Variants in ARHGAP28 observed in about 807,000 individuals in gnomAD.
ARHGAP28 encodes Rho GTPase activating protein 28.
In ARHGAP28, 56 loss-of-function variants were observed where a neutral mutation model predicts 90.7. The ratio of observed to expected loss-of-function variants is 0.62; its 90% CI spans 0.50 to 0.77. The LOEUF (loss-of-function observed/expected upper bound fraction) is 0.77. ARHGAP28 is among the 30% of genes least tolerant of loss of function. The pLI is 0.00. For synonymous variants in ARHGAP28, 308 were observed against 323.3 expected, an observed-to-expected ratio of 0.95 and a Z score of 0.51; for missense variants, 869 against 900.9, an observed-to-expected ratio of 0.96 and a Z score of 0.45.
chr18:6,877,118 TC>T (rs1332287050), intron 10 of ARHGAP28, among the ~76,000 whole-genome samples: 1 of 152,236 alleles, frequency 6.6e-6, no homozygotes, highest in African/African-American at 2.4e-5. Context: ...CAGCATCTCT[TC>T]ATTAATTCAT....
At position 6,887,244 on chromosome 18, in the gene ARHGAP28, G is replaced by A. The variant is rs372564720; in HGVS notation, c.1536+5G>A. The A allele has an allele frequency of 1.0e-4, 163 of 1,613,446 alleles. No individual in the cohort carries two copies. Among genetic ancestry groups the A allele is most frequent in the Middle Eastern group, 1.7e-4 (1 of 5,982 alleles). ...GCCAACAGAGATGCAGCTCAGGTAC[G>A]TCGTGTCCACCTCACAGCTTGTCCT... On this transcript the variant is annotated splice_donor_5th_base_variant and intron_variant, in intron 12 of 17. Transcript: ENST00000383472.
At chr18:6,767,803 T>C (rs767856792) in intron 1 of ARHGAP28, among the ~76,000 whole-genome samples, 4 of 152,238 alleles carry the variant, frequency 2.6e-5, no homozygotes, top group Non-Finnish European at 5.9e-5. Context: ...TGTGGTTTTG[T>C]GTTATCTTTC....
At chr18:6,743,448 G>A (rs1182172428) in intron 1 of ARHGAP28, among the ~76,000 whole-genome samples, 1 of 152,136 alleles carries the variant, frequency 6.6e-6, no homozygotes, top group East Asian at 1.9e-4. Context: ...AGGCTGAAAT[G>A]TGGAAATGTG....
chr18:6,814,830 AGT>A (rs766591552), intron 1 of ARHGAP28, among the ~76,000 whole-genome samples: 4 of 152,232 alleles, frequency 2.6e-5, no homozygotes, highest in Non-Finnish European at 5.9e-5. Flanking sequence ...TACTTGGTGA[AGT>A]GTAAATTCAG....
chr18:6,820,357 T>A (rs2056618458), intron 1 of ARHGAP28, among the ~76,000 whole-genome samples: 1 of 152,144 alleles, frequency 6.6e-6, no homozygotes, highest in South Asian at 2.1e-4. Context: ...AATAGAAATG[T>A]TTTAACTGAA....
At chr18:6,900,856 A>G (rs36079704) in intron 16 of ARHGAP28, among the ~76,000 whole-genome samples, 40,933 of 152,112 alleles carry the variant, frequency 0.27, 5,610 homozygotes, top group African/African-American at 0.3. Context: ...TCTAAACCAA[A>G]ATAGTATGAT....
chr18:6,855,621 A>G (rs893060958), intron 4 of ARHGAP28, among the ~76,000 whole-genome samples: 3 of 152,218 alleles, frequency 2.0e-5, no homozygotes, highest in African/African-American at 7.2e-5. Context: ...TAACATAAAC[A>G]GGGCTGAAAC....
At chr18:6,752,239 T>C (rs1361468611) in intron 1 of ARHGAP28, among the ~76,000 whole-genome samples, 1 of 152,172 alleles carries the variant, frequency 6.6e-6, no homozygotes, top group Non-Finnish European at 1.5e-5. Flanking sequence ...TCCTCATTGC[T>C]ACTCTCAGAT....
chr18:6,779,248 T>C (rs2056306709), intron 1 of ARHGAP28, among the ~76,000 whole-genome samples: 1 of 152,166 alleles, frequency 6.6e-6, no homozygotes, highest in South Asian at 2.1e-4. Flanking sequence ...TCCTGCATCA[T>C]GTTATCTGGA....
At chr18:6,885,377 T>C (rs670884) in intron 11 of ARHGAP28, among the ~76,000 whole-genome samples, 123,533 of 151,968 alleles carry the variant, frequency 0.81, 50,466 homozygotes, top group Non-Finnish European at 0.86. Flanking sequence ...AACAAGCGCG[T>C]GTGTGTGTGT....
chr18:6,809,814 C>T (rs1055938474), intron 1 of ARHGAP28, among the ~76,000 whole-genome samples: 3 of 152,138 alleles, frequency 2.0e-5, no homozygotes, highest in African/African-American at 7.2e-5. Flanking sequence ...AGAGCCGAAC[C>T]ATATCAAAGG....
At chr18:6,745,117 G>A (rs954002395) in intron 1 of ARHGAP28, among the ~76,000 whole-genome samples, 1 of 152,080 alleles carries the variant, frequency 6.6e-6, no homozygotes, top group Non-Finnish European at 1.5e-5. Context: ...TTTTCCTTGT[G>A]TTTTTAATAA....
At chr18:6,778,937 A>C (rs550546313) in intron 1 of ARHGAP28, 4 of 152,172 alleles carry the variant, frequency 2.6e-5, no homozygotes, top group Non-Finnish European at 5.9e-5. Flanking sequence ...TCCTCCCTTC[A>C]TCTTACAGAA....
chr18:6,747,838 C>G (rs1170296490), intron 1 of ARHGAP28, among the ~76,000 whole-genome samples: 4 of 152,112 alleles, frequency 2.6e-5, no homozygotes, highest in Admixed American at 2.6e-4. Context: ...AGCTCTTACC[C>G]CCAGTGACTC....
rs1428162395 is a variant in ARHGAP28 at position 6,851,144 on chromosome 18, G to A, written c.636+18G>A. 4 of 1,608,086 alleles carry A rather than the reference G, an allele frequency of 2.5e-6. No homozygotes were observed. The highest frequency in any genetic ancestry group is 1.7e-4 in the Middle Eastern group (1 of 6,048). Reference sequence around the variant, plus strand: ...GTTCCATGGTAAGTTATAGTTGTGGGGGGATGGTGGTAGGCATGAAATAAG... The same window carrying A: ...GTTCCATGGTAAGTTATAGTTGTGGAGGGATGGTGGTAGGCATGAAATAAG... On this transcript the variant is annotated intron_variant, in intron 4 of 17. Coordinates refer to ENST00000383472, the MANE Select transcript of ARHGAP28 (RefSeq NM_001366230.1).
chr18:6,890,454 G>A lies in ARHGAP28; in HGVS notation c.1759G>A (p.Val587Ile), dbSNP rs762310570. Residue 587 changes from valine (V) to isoleucine (I), a missense_variant, in exon 14 of 18, where the codon GTA (valine) becomes ATA (isoleucine). Coordinates refer to ENST00000383472, the MANE Select transcript of ARHGAP28 (RefSeq NM_001366230.1). ...WKVPSFLITQ[V>I]RRMNEATMLL... ...GGTTCCATCTTTCTTAATCACTCAA[G>A]TAAGAAGAATGAATGAAGCCACGAT... The A allele has an allele frequency of 6.2e-6, 10 of 1,612,554 alleles. No homozygotes were observed. Among genetic ancestry groups the A allele is most frequent in the Non-Finnish European group, 8.5e-6 (10 of 1,179,246 alleles).
At chr18:6,755,128 G>A (rs1248818007) in intron 1 of ARHGAP28, among the ~76,000 whole-genome samples, 1 of 152,190 alleles carries the variant, frequency 6.6e-6, no homozygotes, top group African/African-American at 2.4e-5. Context: ...AGCCGAGATC[G>A]CGCCACTGCA....
intron 1 of ARHGAP28, among the ~76,000 whole-genome samples, chr18:6,779,500 T>C (rs1304073596): frequency 6.6e-6 from 1 of 152,182 alleles, no homozygotes; most frequent in East Asian, 1.9e-4. Flanking sequence ...GCATGAACAC[T>C]GTGTTTATAT....
rs1265613037 is a variant in ARHGAP28 at position 6,868,242 on chromosome 18, G to T, written c.811+8G>T. On this transcript the variant is annotated splice_region_variant and intron_variant, in intron 6 of 17. Coordinates refer to ENST00000383472, the MANE Select transcript of ARHGAP28 (RefSeq NM_001366230.1). ...TTCAGAATGCGATAAGTGGTGAGCG[G>T]CATGCCTCCTGTTGAACTTCAGCTG... 5 of 1,612,530 alleles carry T rather than the reference G, an allele frequency of 3.1e-6. No homozygotes were observed. The highest frequency in any genetic ancestry group is 4.2e-6 in the Non-Finnish European group (5 of 1,178,624).
Sources: allele counts gnomAD v4.1 joint callset (sites outside exome capture counted in the v4.1 genomes callset), GRCh38; gene constraint gnomAD v4.1.1; transcripts MANE v1.5; gene names NCBI Gene and HGNC (gene_info 2026-07-23, HGNC 2026-07-21).